The following EIF2AK2 variants were observed in gnomAD, a reference collection of about 807,000 sequenced individuals.
EIF2AK2 encodes interferon-induced, double-stranded RNA-activated protein kinase.
A neutral mutation model predicts 70.5 loss-of-function variants in EIF2AK2; 40 were observed. The ratio of observed to expected loss-of-function variants is 0.57; its 90% CI spans 0.44 to 0.74. EIF2AK2 has a LOEUF of 0.74. EIF2AK2 is among the 30% of genes least tolerant of loss of function. EIF2AK2 has a pLI of 0.00. For synonymous variants in EIF2AK2, 198 were observed against 220.9 expected, an observed-to-expected ratio of 0.90 and a Z score of 0.92; for missense variants, 555 against 644.3, an observed-to-expected ratio of 0.86 and a Z score of 1.50.
chr2:37,156,432 G>C (rs965122613), intron 1 of EIF2AK2, among the ~76,000 whole-genome samples: 68 of 152,210 alleles, frequency 4.5e-4, no homozygotes, highest in African/African-American at 1.6e-3. Context: ...ATACGGAGTG[G>C]GAACAGGAAC....
intron 11 of EIF2AK2, among the ~76,000 whole-genome samples, chr2:37,124,397 G>A (rs1182205886): frequency 2.0e-5 from 3 of 152,306 alleles, no homozygotes; most frequent in East Asian, 3.9e-4. Context: ...AAGTAGCTGG[G>A]ACTACAGGCG....
chr2:37,122,790 G>C, intron 11 of EIF2AK2, 126 bp from the exon 12 acceptor site: 2 of 1,226,048 alleles, frequency 1.6e-6, no homozygotes, highest in African/African-American at 1.5e-5. Context: ...TTCTCACATA[G>C]TTTTAGAATG....
chr2:37,150,091 T>C (rs1473378548), intron 1 of EIF2AK2, among the ~76,000 whole-genome samples: 2 of 132,126 alleles, frequency 1.5e-5, no homozygotes, highest in South Asian at 2.4e-4. Flanking sequence ...TCAACACAAA[T>C]AAGAAAAGTG....
chr2:37,142,647 TA>T (rs1219457889), intron 4 of EIF2AK2, among the ~76,000 whole-genome samples: 8 of 151,198 alleles, frequency 5.3e-5, no homozygotes, highest in African/African-American at 9.7e-5. Flanking sequence ...TTGCTTGAGT[TA>T]AAAAAAAATT....
At position 37,119,987 on chromosome 2, in the gene EIF2AK2, G is replaced by T; in HGVS notation, c.1220C>A (p.Ser407Ter). ...QITKGVDYIH[S>*]KKLIHRDLKP... The stretch of plus-strand genomic sequence containing the variant: ...AAGATCTCTATGAATTAATTTTTTT[G>T]AATGTATATAATCCACCCCTTTTGT... The change falls in exon 13 of 17, where the codon TCA (serine) becomes TAA (stop). Residue 407 changes from serine to a stop codon, truncating the protein, a stop_gained. Coordinates refer to ENST00000233057, the MANE Select transcript of EIF2AK2 (RefSeq NM_001135651.3). LOFTEE classifies it high-confidence loss of function. The T allele has an allele frequency of 6.8e-7, 1 of 1,469,328 alleles. No individual in the cohort carries two copies. Among genetic ancestry groups the T allele is most frequent in the South Asian group, 1.6e-5 (1 of 63,902 alleles). The allele number at this position is 1,469,328 out of a possible 1,614,324, so 91.0% of individuals were successfully genotyped here.
chr2:37,126,161 A>T, intron 11 of EIF2AK2, 128 bp downstream of exon 11: 1 of 1,266,714 alleles, frequency 7.9e-7, no homozygotes, highest in Non-Finnish European at 1.1e-6. Flanking sequence ...TCTTGGTAGA[A>T]TGAAATGTTT....
rs1378247113 is a variant in EIF2AK2 at position 37,103,072 on chromosome 2, T to G, written c.*4201A>C. 1 of 152,024 alleles carries G rather than the reference T, an allele frequency of 6.6e-6. No individual in the cohort carries two copies. The highest frequency in any genetic ancestry group is 2.4e-5 in the African/African-American group (1 of 41,384). The allele number at this position is 152,024 out of a possible 1,614,324, so 9.4% of individuals were successfully genotyped here. On this transcript the variant is annotated 3_prime_UTR_variant, in exon 17 of 17. Coordinates refer to ENST00000233057, the MANE Select transcript of EIF2AK2 (RefSeq NM_001135651.3). ...TCCCAGGCTCTTGCCCCTGTCCTCC[T>G]CTGAGTAAGAGGATACTTTTTACTT...
chr2:37,152,308 G>C (rs1046220720), intron 1 of EIF2AK2, among the ~76,000 whole-genome samples: 1 of 151,882 alleles, frequency 6.6e-6, no homozygotes, highest in Non-Finnish European at 1.5e-5. Context: ...TTGAGACAGG[G>C]CCTCACTCTG....
intron 1 of EIF2AK2, 76 bp from the exon 2 acceptor site, chr2:37,149,099 T>TA: frequency 1.1e-6 from 1 of 899,644 alleles, no homozygotes; most frequent in Non-Finnish European, 1.9e-6. Context: ...CAGCGAAGAC[T>TA]AAGGTCTATG....
intron 3 of EIF2AK2, among the ~76,000 whole-genome samples, chr2:37,147,395 T>C (rs1483977049): frequency 1.3e-5 from 2 of 151,836 alleles, no homozygotes; most frequent in Non-Finnish European, 2.9e-5. Context: ...ATGTGCCATG[T>C]TGGTGTGCTG....
At position 37,100,010 on chromosome 2, in the gene EIF2AK2, T is replaced by C. The variant is rs1228902652; in HGVS notation, c.*7263A>G. On this transcript the variant is annotated 3_prime_UTR_variant, in exon 17 of 17. Coordinates refer to ENST00000233057, the MANE Select transcript of EIF2AK2 (RefSeq NM_001135651.3). Reference sequence around the variant, plus strand: ...AAAACAGAGTGAATACTAACGGGCATAGGGTTTCTTTTGGGGGTGAGAAAA... The same window carrying C: ...AAAACAGAGTGAATACTAACGGGCACAGGGTTTCTTTTGGGGGTGAGAAAA... 2.0e-5 allele frequency: 3 copies of C among 152,184 alleles called. No homozygotes were observed. Among genetic ancestry groups the C allele is most frequent in the Non-Finnish European group, 4.4e-5 (3 of 68,048 alleles). 9.4% of individuals were successfully genotyped at this position (152,184 alleles called of 1,614,324 possible). A position where few individuals can be genotyped will look rare whatever the true frequency, so the allele number is the denominator to read the frequency against.
At chr2:37,129,128 A>T (rs187997394) in intron 10 of EIF2AK2, among the ~76,000 whole-genome samples, 71 of 152,236 alleles carry the variant, frequency 4.7e-4, no homozygotes, top group African/African-American at 1.6e-3. Flanking sequence ...CCTAAATGCG[A>T]CCTTCCATGT....
At chr2:37,134,104 C>T (rs184954906) in intron 10 of EIF2AK2, among the ~76,000 whole-genome samples, 3 of 152,280 alleles carry the variant, frequency 2.0e-5, no homozygotes, top group African/African-American at 7.2e-5. Context: ...CCCTTCATGA[C>T]CTTTTAACAG....
Position 37,144,589 on chromosome 2 carries a change from C to CT in EIF2AK2, c.240+2263dup, listed in dbSNP as rs199752511. 6.3e-3 allele frequency among the ~76,000 whole-genome samples: 909 copies of CT among 144,414 alleles called. 13 individuals carry two copies. Among genetic ancestry groups the CT allele is most frequent in the African/African-American group, 0.02 (798 of 39,714 alleles). 94.7% of individuals were successfully genotyped at this position (144,414 alleles called of 152,430 possible). On this transcript the variant is annotated intron_variant, in intron 4 of 16. Coordinates refer to ENST00000233057, the MANE Select transcript of EIF2AK2 (RefSeq NM_001135651.3). ...GTTTGTGTTGTAATTTTTTTTCTTT[C>CT]TTTTTTTTTTTTGAGACAGGGTCTT...
intron 4 of EIF2AK2, among the ~76,000 whole-genome samples, chr2:37,144,208 C>T (rs1427569362): frequency 2.0e-5 from 3 of 152,146 alleles, no homozygotes; most frequent in Admixed American, 6.5e-5. Context: ...TGTGGTGACA[C>T]TACTGTAAAC....
At chr2:37,110,257 C>T (rs78486524) in intron 14 of EIF2AK2, among the ~76,000 whole-genome samples, 8,986 of 147,130 alleles carry the variant, frequency 0.061, 314 homozygotes, top group African/African-American at 0.087. Context: ...TTTTGTATTT[C>T]TGTATTTTTG....
At chr2:37,147,560 G>A (rs1324940968) in intron 3 of EIF2AK2, 128 bp downstream of exon 3, 5 of 472,932 alleles carry the variant, frequency 1.1e-5, no homozygotes, top group Admixed American at 2.8e-5. Context: ...AGAACATGCG[G>A]TGTTTGGTTT....
chr2:37,139,997 T>C (rs892652027), intron 5 of EIF2AK2, among the ~76,000 whole-genome samples: 2 of 152,104 alleles, frequency 1.3e-5, no homozygotes, highest in African/African-American at 4.8e-5. Context: ...TAATTTTTTG[T>C]TGCTTTGCTG....
intron 11 of EIF2AK2, among the ~76,000 whole-genome samples, chr2:37,123,556 A>G (rs1674628860): frequency 6.6e-6 from 1 of 152,086 alleles, no homozygotes; most frequent in South Asian, 2.1e-4. Flanking sequence ...GCATGAGCCA[A>G]TGGACCCAGC....
Sources: gnomAD v4.1 joint callset for allele counts (sites outside exome capture counted in the v4.1 genomes callset) on GRCh38, gnomAD v4.1.1 for gene constraint, MANE v1.5 for transcripts, NCBI Gene and HGNC (gene_info 2026-07-23, HGNC 2026-07-21) for gene names.